The following GATA5 variants were observed in gnomAD, a reference collection of about 807,000 sequenced individuals.
The protein encoded by GATA5 is transcription factor GATA-5.
GATA5 carries 27 observed loss-of-function variants against 35.0 expected under a neutral mutation model. That is an observed-to-expected ratio of 0.77 (90% CI 0.57 to 1.06). The LOEUF (loss-of-function observed/expected upper bound fraction) is 1.06, where lower values mean the gene tolerates loss of function less well. GATA5 is among the 50% of genes least tolerant of loss of function. The pLI, the probability that GATA5 is intolerant of heterozygous loss-of-function variation, is 0.00. For missense variants in GATA5, 612 were observed against 580.0 expected (o/e 1.06, Z -0.57); for synonymous variants, 306 against 267.8 (o/e 1.14, Z -1.39).
In GATA5 at chr20:62,470,979, A is replaced by C. The variant is rs1989706171; in HGVS notation, c.699+2424T>G. 6.6e-6 allele frequency among the ~76,000 whole-genome samples: 1 copy of C among 152,222 alleles called. No homozygotes were observed. The highest frequency in any genetic ancestry group is 2.1e-4 in the South Asian group (1 of 4,832). ...CCCCCATTAGCCCGTCCTCAGAGCCAAGGCCCAAGCACACAACACCAGCTA... is the reference window on the plus strand; with the variant it reads ...CCCCCATTAGCCCGTCCTCAGAGCCCAGGCCCAAGCACACAACACCAGCTA... On this transcript the variant is annotated intron_variant, in intron 3 of 6. Coordinates refer to ENST00000252997, the MANE Select transcript of GATA5 (RefSeq NM_080473.5). The surrounding 1 kb of genome is among the most constrained non-coding windows in gnomAD (Gnocchi z 4.6).
intron 5 of GATA5, 82 bp from the exon 6 acceptor site, chr20:62,465,546 GC>G: frequency 6.6e-7 from 1 of 1,522,658 alleles, no homozygotes; most frequent in Non-Finnish European, 8.8e-7. Flanking sequence ...GTCTCCTCTG[GC>G]CCCGGCCCAG....
Position 62,473,577 on chromosome 20 carries a change from C to A in GATA5, c.525G>T (p.Val175=), listed in dbSNP as rs782648093. Residue 175 remains valine (V), a splice_region_variant and synonymous_variant, in exon 3 of 7, where the codon GTG becomes GTT. Coordinates refer to ENST00000252997, the MANE Select transcript of GATA5 (RefSeq NM_080473.5). ...CCGGGAACTCCTCCAAGAAGTCGGA[C>A]ACTGAGGGGACAGGCAGCTGGTGGG... ...HGLPGRRPTF[V]SDFLEEFPGE... The A allele has an allele frequency of 1.9e-6, 3 of 1,587,428 alleles. No individual in the cohort carries two copies. The highest frequency in any genetic ancestry group is 2.3e-5 in the South Asian group (2 of 87,708).
intron 6 of GATA5, 27 bp downstream of exon 6, chr20:62,465,313 G>T: frequency 6.4e-7 from 1 of 1,574,046 alleles, no homozygotes; most frequent in Non-Finnish European, 8.6e-7. Context: ...CCAGCTCTGG[G>T]CACCCCACCC....
At position 62,470,851 on chromosome 20, in the gene GATA5, T is replaced by A. The variant is rs1989703350; in HGVS notation, c.699+2552A>T. 6.6e-6 allele frequency among the ~76,000 whole-genome samples: 1 copy of A among 152,064 alleles called. No individual in the cohort carries two copies. ...GGTCCCTACCCTCCGAGGCCTCTGG[T>A]CTTGGCAAGATGGACAGTAAACAGG... is the stretch of plus-strand genomic sequence containing the variant. On this transcript the variant is annotated intron_variant, in intron 3 of 6. Coordinates refer to ENST00000252997, the MANE Select transcript of GATA5 (RefSeq NM_080473.5). The surrounding 1 kb of genome is among the most constrained non-coding windows in gnomAD (Gnocchi z 4.6).
At chr20:62,465,096 C>A in intron 6 of GATA5, 105 bp from the exon 7 acceptor site, 1 of 1,009,610 alleles carries the variant, frequency 9.9e-7, no homozygotes, top group Non-Finnish European at 1.4e-6. Context: ...CCGGTATTTG[C>A]CCTTAGGGAC....
intron 3 of GATA5, among the ~76,000 whole-genome samples, chr20:62,468,952 T>G (rs1447144714): frequency 6.6e-6 from 1 of 152,234 alleles, no homozygotes; most frequent in Non-Finnish European, 1.5e-5. Context: ...CACACCCTGA[T>G]GGGTCTAGAA....
intron 2 of GATA5, among the ~76,000 whole-genome samples, chr20:62,474,503 CG>C (rs1392004658): frequency 1.3e-5 from 2 of 152,202 alleles, no homozygotes; most frequent in Non-Finnish European, 2.9e-5. Context: ...GAGCCGCCTT[CG>C]CCAGAAAGTG....
chr20:62,465,533 C>T (rs908051251), intron 5 of GATA5, 69 bp from the exon 6 acceptor site: 27 of 1,547,028 alleles, frequency 1.7e-5, no homozygotes, highest in African/African-American at 2.7e-5. Flanking sequence ...TGCCATGTAG[C>T]GGGTCTCCTC....
At position 62,464,611 on chromosome 20, in the gene GATA5, G is replaced by C; in HGVS notation, c.*225C>G. ...GCACCTGGGGAGTCCCTTGCTGTAC[G>C]TGGGGTGGGAAGCTGAGCCCTTCCC... On this transcript the variant is annotated 3_prime_UTR_variant, in exon 7 of 7. Coordinates refer to ENST00000252997, the MANE Select transcript of GATA5 (RefSeq NM_080473.5). The C allele has an allele frequency of 2.3e-6, 1 of 439,766 alleles. No individual in the cohort carries two copies. Among genetic ancestry groups the C allele is most frequent in the Non-Finnish European group, 4.0e-6 (1 of 251,398 alleles). The allele number at this position is 439,766 out of a possible 1,614,324, so 27.2% of individuals were successfully genotyped here.
intron 3 of GATA5, among the ~76,000 whole-genome samples, chr20:62,468,075 G>A (rs144017544): frequency 0.01 from 1,478 of 147,582 alleles, 89 homozygotes; most frequent in African/African-American, 0.036. Flanking sequence ...CGGCTTCCCC[G>A]TCTGTTACAG....
At position 62,464,464 on chromosome 20, in the gene GATA5, C is replaced by T. The variant is rs1989524722; in HGVS notation, c.*372G>A. The T allele has an allele frequency of 6.1e-6, 1 of 163,128 alleles. No homozygotes were observed. Among genetic ancestry groups the T allele is most frequent in the Admixed American group, 6.4e-5 (1 of 15,542 alleles). 10.1% of individuals were successfully genotyped at this position (163,128 alleles called of 1,614,324 possible). ...CACTGGGAGGTTGACTGTTTTCCCC[C>T]AACTGCTACAACTTGTAAACATATT... On this transcript the variant is annotated 3_prime_UTR_variant, in exon 7 of 7. Coordinates refer to ENST00000252997, the MANE Select transcript of GATA5 (RefSeq NM_080473.5).
Position 62,473,573 on chromosome 20 carries a change from C to G in GATA5, c.529G>C (p.Asp177His), listed in dbSNP as rs1169825825. The G allele has an allele frequency of 6.3e-7, 1 of 1,590,556 alleles. No homozygotes were observed. The highest frequency in any genetic ancestry group is 8.6e-7 in the Non-Finnish European group (1 of 1,168,810). Reference sequence around the variant, plus strand: ...TCACCCGGGAACTCCTCCAAGAAGTCGGACACTGAGGGGACAGGCAGCTGG... The same window carrying G: ...TCACCCGGGAACTCCTCCAAGAAGTGGGACACTGAGGGGACAGGCAGCTGG... ...LPGRRPTFVS[D>H]FLEEFPGEGR... Residue 177 changes from aspartate (D) to histidine (H), a missense_variant, in exon 3 of 7, where the codon GAC becomes CAC. By Grantham distance (81) the Asp-to-His change is moderately conservative (BLOSUM62 -1). Transcript: ENST00000252997.
Position 62,475,081 on chromosome 20 carries a change from G to A in GATA5, c.441C>T (p.Ser147=), listed in dbSNP as rs1555896977. ...CAGTCCAGGACTGGGCCACGTCGGG[G>A]CTCACGTAGGCCGGGTAGGTGGCGG... The part of the protein sequence containing the change: ...SYSATYPAYV[S]PDVAQSWTAG... Residue 147 remains serine (S), a synonymous_variant, in exon 2 of 7, where the codon AGC becomes AGT. Coordinates refer to ENST00000252997, the MANE Select transcript of GATA5 (RefSeq NM_080473.5). 1.4e-6 allele frequency: 2 copies of A among 1,405,846 alleles called. No homozygotes were observed. Among genetic ancestry groups the A allele is most frequent in the Admixed American group, 3.2e-5 (1 of 31,512 alleles). 87.1% of individuals were successfully genotyped at this position (1,405,846 alleles called of 1,614,324 possible). A position where few individuals can be genotyped will look rare whatever the true frequency, so the allele number is the denominator to read the frequency against.
At chr20:62,472,748 A>G (rs879985432) in intron 3 of GATA5, among the ~76,000 whole-genome samples, 1 of 152,152 alleles carries the variant, frequency 6.6e-6, no homozygotes, top group African/African-American at 2.4e-5. Flanking sequence ...CCTGGGGCAA[A>G]AGTCCAGGCT....
intron 2 of GATA5, among the ~76,000 whole-genome samples, chr20:62,474,409 G>C (rs184304838): frequency 1.5e-3 from 232 of 152,372 alleles, no homozygotes; most frequent in African/African-American, 5.2e-3. Flanking sequence ...AAGGGCCGGC[G>C]GGGTCCCAAA....
Position 62,475,192 on chromosome 20 carries a change from G to GC in GATA5, c.329dup (p.Arg111ProfsTer75), listed in dbSNP as rs1434141622. On this transcript the variant is annotated frameshift_variant, in exon 2 of 7. Coordinates refer to ENST00000252997, the MANE Select transcript of GATA5 (RefSeq NM_080473.5). LOFTEE classifies it high-confidence loss of function. The stretch of plus-strand genomic sequence containing the variant: ...CGCCCTGGTAGGCACTGCCGTCTCG[G>GC]CCCCCCGCGCTGCCGCCGCTGCCGG... 1.6e-6 allele frequency: 2 copies of GC among 1,262,722 alleles called. No individual in the cohort carries two copies. The highest frequency in any genetic ancestry group is 1.5e-5 in the African/African-American group (1 of 64,602). The allele number at this position is 1,262,722 out of a possible 1,614,324, so 78.2% of individuals were successfully genotyped here.
rs574764628 is a variant in GATA5 at position 62,471,432 on chromosome 20, A to ATTTTT, written c.699+1966_699+1970dup. On this transcript the variant is annotated intron_variant, in intron 3 of 6. Coordinates refer to ENST00000252997, the MANE Select transcript of GATA5 (RefSeq NM_080473.5). ...TAAAGAGAAGTTAATTTCAATTACA[A>ATTTTT]TTTTTTTTTTTTTTTTTGTGATGAG... Among the ~76,000 whole-genome samples, 162 of 81,776 alleles carry ATTTTT rather than the reference A, an allele frequency of 2.0e-3. 30 individuals are homozygous for ATTTTT. The highest frequency in any genetic ancestry group is 6.1e-3 in the African/African-American group (124 of 20,454). 53.6% of individuals were successfully genotyped at this position (81,776 alleles called of 152,430 possible). A position where few individuals can be genotyped will look rare whatever the true frequency, so the allele number is the denominator to read the frequency against.
In GATA5 at chr20:62,473,645, C is replaced by T. The variant is rs901706981; in HGVS notation, c.524-67G>A. ...CCAGGATCCTCCCCAGCTCATGGGC[C>T]GGCACCCTCCCCTCCCCAGGAGCCT... On this transcript the variant is annotated intron_variant, in intron 2 of 6. Coordinates refer to ENST00000252997, the MANE Select transcript of GATA5 (RefSeq NM_080473.5). 131 of 1,465,738 alleles carry T rather than the reference C, an allele frequency of 8.9e-5. 3 individuals are homozygous for T. In the South Asian group the frequency reaches 1.1e-3, roughly 12 times the overall value. 90.8% of individuals were successfully genotyped at this position (1,465,738 alleles called of 1,614,324 possible).
intron 3 of GATA5, 92 bp downstream of exon 3, chr20:62,473,311 C>A (rs950371509): frequency 2.9e-5 from 41 of 1,425,642 alleles, no homozygotes; most frequent in Middle Eastern, 2.4e-4. Flanking sequence ...TACCCCCTAC[C>A]CCAGGGGCTC....
Sources: gnomAD v4.1 joint callset for allele counts (sites outside exome capture counted in the v4.1 genomes callset) on GRCh38, gnomAD v4.1.1 for gene constraint, Gnocchi (gnomAD v3.1) non-coding constraint, MANE v1.5 for transcripts, NCBI Gene and HGNC (gene_info 2026-07-23, HGNC 2026-07-21) for gene names.